The following PTPRN2 variants were observed in gnomAD, a reference collection of about 807,000 sequenced individuals.
PTPRN2 encodes the protein protein tyrosine phosphatase receptor type N2, also known as receptor-type tyrosine-protein phosphatase N2.
A neutral mutation model predicts 118.8 loss-of-function variants in PTPRN2; 74 were observed. The ratio of observed to expected loss-of-function variants is 0.62; its 90% CI spans 0.52 to 0.76. The LOEUF is 0.76. Among genes scored for constraint, PTPRN2 ranks in the 30% least tolerant of loss-of-function variants. The probability of loss-of-function intolerance (pLI) is 0.00; values close to 1 mark genes in which losing one functional copy is unlikely to be tolerated. For missense variants in PTPRN2, 1,481 were observed against 1,394.4 expected (o/e 1.06, Z -0.99); for synonymous variants, 641 against 608.0 (o/e 1.05, Z -0.80).
chr7:157,597,504 C>A (rs1801414670), intron 16 of PTPRN2, among the ~76,000 whole-genome samples: 1 of 151,364 alleles, frequency 6.6e-6, no homozygotes, highest in African/African-American at 2.4e-5. Context: ...TTGCCCAGAG[C>A]AATTTCTACA....
chr7:158,071,582 C>CGTGGTGGAGGAGATG (rs1563392123), intron 11 of PTPRN2, among the ~76,000 whole-genome samples: 1 of 7,530 alleles, frequency 1.3e-4, no homozygotes, highest in Admixed American at 1.5e-3. Context: ...TGGAGGTGCT[C>CGTGGTGGAGGAGATG]CTGGTGGAGG....
chr7:157,660,383 A>T (rs75989611), intron 13 of PTPRN2, among the ~76,000 whole-genome samples: 1 of 152,192 alleles, frequency 6.6e-6, no homozygotes, highest in African/African-American at 2.4e-5. Context: ...GAAGCCACCA[A>T]GAGGCCCCAC....
At chr7:157,614,576 G>A (rs1050199105) in intron 15 of PTPRN2, among the ~76,000 whole-genome samples, 5 of 152,208 alleles carry the variant, frequency 3.3e-5, no homozygotes, top group African/African-American at 1.2e-4. Context: ...TAGAGAAAGC[G>A]GCGGGAGTCC....
At chr7:157,770,882 A>G (rs866919625) in intron 12 of PTPRN2, among the ~76,000 whole-genome samples, 25 of 147,276 alleles carry the variant, frequency 1.7e-4, no homozygotes, top group Admixed American at 1.0e-3. Context: ...CCGCTTGGCC[A>G]GTTGAGGCAG....
At chr7:158,076,966 G>C (rs2128927016) in intron 11 of PTPRN2, among the ~76,000 whole-genome samples, 1 of 152,342 alleles carries the variant, frequency 6.6e-6, no homozygotes, top group South Asian at 2.1e-4. Context: ...TGCCTGCCTG[G>C]GGTCGATAGT....
intron 7 of PTPRN2, among the ~76,000 whole-genome samples, chr7:158,138,069 G>A (rs757420679): frequency 1.9e-4 from 29 of 152,202 alleles, no homozygotes; most frequent in Non-Finnish European, 4.0e-4. Flanking sequence ...AAACCTCCTC[G>A]CAGAGAGCAA....
chr7:158,192,421 C>G lies in PTPRN2; in HGVS notation c.455G>C (p.Arg152Pro), dbSNP rs373081454. 6.5e-7 allele frequency: 1 copy of G among 1,544,808 alleles called. No homozygotes were observed. The highest frequency in any genetic ancestry group is 8.7e-7 in the Non-Finnish European group (1 of 1,155,602). ...GGCCTCCAGGAAGGGCAGGTGGCGT[C>G]GGAGGGCGTTGGCCAGGGCAGCACC... The part of the protein sequence containing the change: ...EGGAALANAL[R>P]RHLPFLEALS... Residue 152 changes from arginine to proline, a missense_variant, in exon 5 of 23, where the codon CGA becomes CCA. Physicochemically the swap from Arg to Pro is moderately radical, Grantham distance 103. Coordinates refer to ENST00000389418, the MANE Select transcript of PTPRN2 (RefSeq NM_002847.5).
At chr7:158,284,934 C>T (rs535365078) in intron 3 of PTPRN2, among the ~76,000 whole-genome samples, 32 of 152,362 alleles carry the variant, frequency 2.1e-4, no homozygotes, top group African/African-American at 7.2e-4. Context: ...ATAGGGTGAG[C>T]AGTCTGCCTG....
At chr7:157,663,685 C>T (rs1361144567) in intron 13 of PTPRN2, among the ~76,000 whole-genome samples, 1 of 152,180 alleles carries the variant, frequency 6.6e-6, no homozygotes, top group African/African-American at 2.4e-5. Flanking sequence ...AATCTCCAGA[C>T]GTGGGGGAAG....
chr7:158,151,900 G>A (rs530289530), intron 6 of PTPRN2, among the ~76,000 whole-genome samples: 13 of 152,170 alleles, frequency 8.5e-5, no homozygotes, highest in East Asian at 1.9e-4. Flanking sequence ...GCGGCCGGGC[G>A]CGGTGGCTCA....
rs142686554 is a variant in PTPRN2 at position 158,057,993 on chromosome 7, A to C, written c.1723+23305T>G. ...CAACCCATATACAGAATGCTTCCTT[A>C]GTTGCAGGCTTTACAAATAATTATC... is the stretch of plus-strand genomic sequence containing the variant. On this transcript the variant is annotated intron_variant, in intron 11 of 22. Transcript: ENST00000389418. Among the ~76,000 whole-genome samples, 745 of 152,368 alleles carry C rather than the reference A, an allele frequency of 4.9e-3. 9 individuals carry two copies. The highest frequency in any genetic ancestry group is 0.017 in the African/African-American group (697 of 41,572).
rs79980105 is a variant in PTPRN2, at chr7:158,509,221, G to A, written c.113-19436C>T. Among the ~76,000 whole-genome samples the A allele has an allele frequency of 2.4e-3, 371 of 152,268 alleles. 10 individuals carry two copies. The East Asian group carries it at 0.034, about 14-fold the overall frequency. On this transcript the variant is annotated intron_variant, in intron 1 of 22. Coordinates refer to ENST00000389418, the MANE Select transcript of PTPRN2 (RefSeq NM_002847.5). This position sits in a 1 kb window ranked among gnomAD's most constrained non-coding sequence, Gnocchi z 4.4. ...CCAGTGGACAGGCTGCAGCTCACAG[G>A]GTCCTTGCTCAAAGGCGGCAGCAAA...
intron 2 of PTPRN2, among the ~76,000 whole-genome samples, chr7:158,388,606 T>C (rs920642922): frequency 2.0e-5 from 3 of 152,220 alleles, no homozygotes; most frequent in African/African-American, 7.2e-5. Context: ...GCGAGCTCCA[T>C]GAACCTCTCA....
At chr7:158,418,748 A>C (rs148692074) in intron 2 of PTPRN2, among the ~76,000 whole-genome samples, 3 of 116,406 alleles carry the variant, frequency 2.6e-5, no homozygotes, top group African/African-American at 9.5e-5. Flanking sequence ...GTACTACATC[A>C]AGATGCTGTA....
chr7:158,090,027 TC>T lies in PTPRN2; in HGVS notation c.1644-8651del, dbSNP rs1813962173. On this transcript the variant is annotated intron_variant, in intron 10 of 22. Transcript: ENST00000389418. ...AAGAGGGAGTCTTCACACAAACCCT[TC>T]CTCCCCTGACGAAAGAGGGAGTCTT... Among the ~76,000 whole-genome samples, 2 of 44,550 alleles carry T rather than the reference TC, an allele frequency of 4.5e-5. 1 individual carries two copies. The highest frequency in any genetic ancestry group is 1.5e-4 in the Non-Finnish European group (2 of 13,790). 29.2% of individuals were successfully genotyped at this position (44,550 alleles called of 152,430 possible). A position where few individuals can be genotyped will look rare whatever the true frequency, so the allele number is the denominator to read the frequency against.
intron 2 of PTPRN2, among the ~76,000 whole-genome samples, chr7:158,375,533 G>T (rs1169536835): frequency 2.0e-5 from 3 of 152,220 alleles, no homozygotes; most frequent in Non-Finnish European, 4.4e-5. Context: ...ACTGATATGG[G>T]CAGGTGGCAG....
Position 158,243,749 on chromosome 7 carries a change from C to T in PTPRN2, c.278-38476G>A, listed in dbSNP as rs528349501. On this transcript the variant is annotated intron_variant, in intron 3 of 22. Coordinates refer to ENST00000389418, the MANE Select transcript of PTPRN2 (RefSeq NM_002847.5). ...AGTCTCTGCTTAGTACTAGGTACCT[C>T]CTGAGTCATAGTCTCTGCTAAGTAC... Among the ~76,000 whole-genome samples, 4 of 151,610 alleles carry T rather than the reference C, an allele frequency of 2.6e-5. No individual in the cohort carries two copies. In the East Asian group the frequency reaches 7.8e-4, roughly 30 times the overall value.
intron 3 of PTPRN2, among the ~76,000 whole-genome samples, chr7:158,250,974 T>G (rs1387754248): frequency 6.6e-6 from 1 of 151,988 alleles, no homozygotes; most frequent in Non-Finnish European, 1.5e-5. Context: ...GAGCACATTT[T>G]TACTTGATTG....
Position 158,581,230 on chromosome 7 carries a change from G to C in PTPRN2, c.112+6328C>G, listed in dbSNP as rs139467466. 1.4e-3 allele frequency among the ~76,000 whole-genome samples: 214 copies of C among 152,290 alleles called. 2 individuals carry two copies. Among genetic ancestry groups the C allele is most frequent in the African/African-American group, 5.0e-3 (208 of 41,554 alleles). ...GACCCCATCCCAGGACTACCCACCA[G>C]GTGTCCTGTGGTACATTCCTTAACC... On this transcript the variant is annotated intron_variant, in intron 1 of 22. Transcript: ENST00000389418.
Sources: allele counts gnomAD v4.1 joint callset (sites outside exome capture counted in the v4.1 genomes callset), GRCh38; gene constraint gnomAD v4.1.1; non-coding constraint Gnocchi (gnomAD v3.1); transcripts MANE v1.5; gene names NCBI Gene and HGNC (gene_info 2026-07-23, HGNC 2026-07-21).